NRG1: variants seen among roughly 807,000 people sequenced by gnomAD.
NRG1 encodes the protein neuregulin 1.
Under a neutral mutation model 63.8 loss-of-function variants are expected in NRG1, and 18 were observed. That is an observed-to-expected ratio of 0.28 (90% CI 0.19 to 0.42). The LOEUF (loss-of-function observed/expected upper bound fraction) is 0.42, where lower values mean the gene tolerates loss of function less well. Ranked by LOEUF, NRG1 falls within the 10% of genes least tolerant of loss-of-function variation. The pLI is 1.00. For missense variants in NRG1, 762 were observed against 814.7 expected (o/e 0.94, Z 0.79); for synonymous variants, 302 against 301.3 (o/e 1.00, Z -0.02).
At chr8:31,879,084 A>C (rs1830150148) in intron 1 of NRG1, among the ~76,000 whole-genome samples, 1 of 152,148 alleles carries the variant, frequency 6.6e-6, no homozygotes, top group Admixed American at 6.5e-5. Context: ...TAAGGTATAG[A>C]TTCCACATGT....
intron 1 of NRG1, among the ~76,000 whole-genome samples, chr8:32,086,756 A>C (rs2131216836): frequency 6.6e-6 from 1 of 152,318 alleles, no homozygotes; most frequent in Admixed American, 6.5e-5. Context: ...GATGTGTTAT[A>C]AATTTCACTT....
At chr8:32,193,400 T>C (rs1342096576) in intron 1 of NRG1, among the ~76,000 whole-genome samples, 1 of 152,212 alleles carries the variant, frequency 6.6e-6, no homozygotes, top group Admixed American at 6.5e-5. Flanking sequence ...TCCATCTTAA[T>C]GCAGGCTTTT....
At chr8:32,669,906 G>A (rs1805182005) in intron 5 of NRG1, among the ~76,000 whole-genome samples, 1 of 152,122 alleles carries the variant, frequency 6.6e-6, no homozygotes, top group South Asian at 2.1e-4. Context: ...AAAGGAAAAT[G>A]ACACAATACA....
intron 1 of NRG1, among the ~76,000 whole-genome samples, chr8:31,651,436 AT>A (rs1169236176): frequency 1.3e-5 from 2 of 152,206 alleles, no homozygotes; most frequent in African/African-American, 4.8e-5. Context: ...TACAATGTAG[AT>A]GGGGCATTGT....
intron 1 of NRG1, among the ~76,000 whole-genome samples, chr8:32,480,241 TAA>T (rs1168039184): frequency 6.6e-6 from 1 of 151,618 alleles, no homozygotes; most frequent in African/African-American, 2.4e-5. Context: ...ATGTGGAATC[TAA>T]AAAAAAGTCA....
intron 1 of NRG1, among the ~76,000 whole-genome samples, chr8:32,184,530 A>G (rs532769126): frequency 1.3e-5 from 2 of 152,164 alleles, no homozygotes; most frequent in East Asian, 3.9e-4. Flanking sequence ...TTTGATAGAC[A>G]TGATTTCCAA....
upstream of NRG1, chr8:32,548,131 G>A (rs1833307486): frequency 2.2e-5 from 18 of 810,838 alleles, no homozygotes; most frequent in Non-Finnish European, 2.7e-5. Flanking sequence ...GGCTGCGCCC[G>A]GGAGCGCCGA....
chr8:32,122,557 G>T lies in NRG1; in HGVS notation c.38-473271G>T, dbSNP rs868664308. Among the ~76,000 whole-genome samples, 3 of 151,996 alleles carry T rather than the reference G, an allele frequency of 2.0e-5. No homozygotes were observed. In the South Asian group the frequency reaches 6.2e-4, roughly 32 times the overall value. On this transcript the variant is annotated intron_variant, in intron 1 of 10. Coordinates refer to the NRG1 transcript ENST00000519301. The stretch of plus-strand genomic sequence containing the variant: ...TTTTAATACACTGAATTTTCCAAGG[G>T]TGTGTGAAATTGCTGTACATATTGA...
chr8:32,746,018 T>A (rs1464575597), intron 7 of NRG1, among the ~76,000 whole-genome samples: 1 of 152,194 alleles, frequency 6.6e-6, no homozygotes, highest in Non-Finnish European at 1.5e-5. Context: ...GAAATTATTC[T>A]TGTTCATCAA....
intron 1 of NRG1, among the ~76,000 whole-genome samples, chr8:32,018,490 T>G (rs1815917022): frequency 6.6e-6 from 1 of 152,242 alleles, no homozygotes; most frequent in African/African-American, 2.4e-5. Flanking sequence ...TATATTAATT[T>G]TGTCTGTTTA....
intron 5 of NRG1, among the ~76,000 whole-genome samples, chr8:32,713,703 T>C (rs1244891563): frequency 6.8e-6 from 1 of 146,964 alleles, no homozygotes; most frequent in African/African-American, 2.5e-5. Flanking sequence ...TAAATAAATA[T>C]ATATAATAAT....
intron 1 of NRG1, among the ~76,000 whole-genome samples, chr8:32,147,576 A>G (rs564839900): frequency 1.8e-4 from 27 of 152,340 alleles, no homozygotes; most frequent in African/African-American, 6.5e-4. Context: ...AAACCTGTAT[A>G]TTATCCCTAT....
At chr8:32,124,356 C>T (rs1218553948) in intron 1 of NRG1, among the ~76,000 whole-genome samples, 1 of 151,790 alleles carries the variant, frequency 6.6e-6, no homozygotes, top group African/African-American at 2.4e-5. Context: ...AGAAGATTCT[C>T]CAAGCCTGAC....
chr8:32,536,792 T>C (rs1230412373), intron 1 of NRG1, among the ~76,000 whole-genome samples: 2 of 150,980 alleles, frequency 1.3e-5, no homozygotes, highest in East Asian at 3.9e-4. Flanking sequence ...GGTGTGGTGG[T>C]GGGTGCCTGT....
chr8:31,886,627 G>A (rs1451407062), intron 1 of NRG1, among the ~76,000 whole-genome samples: 5 of 152,062 alleles, frequency 3.3e-5, no homozygotes, highest in African/African-American at 1.2e-4. Flanking sequence ...TAATGTGTCT[G>A]TTGTGTGTAT....
At chr8:32,041,502 A>G (rs1056469821) in intron 1 of NRG1, among the ~76,000 whole-genome samples, 2 of 152,210 alleles carry the variant, frequency 1.3e-5, no homozygotes, top group Admixed American at 6.5e-5. Flanking sequence ...TGAGTTTACC[A>G]TGTTTATCCT....
intron 1 of NRG1, among the ~76,000 whole-genome samples, chr8:32,116,121 CA>C (rs1204395411): frequency 6.6e-6 from 1 of 152,060 alleles, no homozygotes; most frequent in Non-Finnish European, 1.5e-5. Flanking sequence ...CTTTTCCAGA[CA>C]ACTCCAATGG....
intron 1 of NRG1, among the ~76,000 whole-genome samples, chr8:31,667,330 T>C (rs575855811): frequency 6.6e-6 from 1 of 152,256 alleles, no homozygotes; most frequent in East Asian, 1.9e-4. Context: ...AGTTTGTGGC[T>C]CAGATTTGGG....
intron 1 of NRG1, among the ~76,000 whole-genome samples, chr8:31,711,965 G>T (rs1368907227): frequency 1.3e-5 from 2 of 152,118 alleles, no homozygotes; most frequent in East Asian, 1.9e-4. Flanking sequence ...CATCACCTTG[G>T]AAGTTAGGGT....
Sources: gnomAD v4.1 joint callset for allele counts (sites outside exome capture counted in the v4.1 genomes callset) on GRCh38, gnomAD v4.1.1 for gene constraint, MANE v1.5 for transcripts, NCBI Gene and HGNC (gene_info 2026-07-23, HGNC 2026-07-21) for gene names.